SART3: variants seen among roughly 807,000 people sequenced by gnomAD.
SART3 encodes HIV-1 Tat-interacting protein of 110kDa.
A neutral mutation model predicts 122.3 loss-of-function variants in SART3; 44 were observed. The ratio of observed to expected loss-of-function variants is 0.36; its 90% CI spans 0.28 to 0.46. The LOEUF is 0.46. SART3 is among the 20% of genes least tolerant of loss of function. The probability of loss-of-function intolerance (pLI) is 1.00; values close to 1 mark genes in which losing one functional copy is unlikely to be tolerated. For synonymous variants in SART3, 442 were observed against 454.0 expected, an observed-to-expected ratio of 0.97 and a Z score of 0.34; for missense variants, 1,101 against 1,229.0, an observed-to-expected ratio of 0.90 and a Z score of 1.56.
At chr12:108,533,040 G>C (rs1222377801) in intron 12 of SART3, among the ~76,000 whole-genome samples, 1 of 152,116 alleles carries the variant, frequency 6.6e-6, no homozygotes, top group Non-Finnish European at 1.5e-5. Context: ...TAACTGTTAT[G>C]CAACAGTGTA....
In SART3 at chr12:108,530,436, G is replaced by A. The variant is rs149665939; in HGVS notation, c.1747-126C>T. Reference sequence around the variant, plus strand: ...GAAAAGCAGAGATCAGGAGAAAAACGTGGACAGGCTCACGGCTGTTCCACA... The same window carrying A: ...GAAAAGCAGAGATCAGGAGAAAAACATGGACAGGCTCACGGCTGTTCCACA... On this transcript the variant is annotated intron_variant, in intron 14 of 18. Coordinates refer to ENST00000546815, the MANE Select transcript of SART3 (RefSeq NM_014706.4). The A allele has an allele frequency of 1.4e-4, 147 of 1,063,274 alleles. No individual in the cohort carries two copies. The Middle Eastern group carries it at 3.2e-3, about 23-fold the overall frequency. 65.9% of individuals were successfully genotyped at this position (1,063,274 alleles called of 1,614,324 possible).
chr12:108,560,521 G>GCCGT, intron 1 of SART3: 1 of 408,286 alleles, frequency 2.4e-6, no homozygotes, highest in South Asian at 9.6e-5. Context: ...TCTGGAATGG[G>GCCGT]ATCAAAGTAC....
intron 1 of SART3, among the ~76,000 whole-genome samples, chr12:108,554,674 TTATA>T (rs2030144086): frequency 6.8e-6 from 1 of 147,766 alleles, no homozygotes; most frequent in Non-Finnish European, 1.5e-5. Flanking sequence ...TATTATATAT[TTATA>T]TATTTATATT....
Position 108,536,562 on chromosome 12 carries a change from C to G in SART3, c.1398G>C (p.Glu466Asp). ...LKQEVEERFN[E>D]SGDPSCVIMQ... is the part of the protein sequence containing the mutation. ...TAATCACGCAGCTTGGATCACCACT[C>G]TCATTGAAACCTTCAAAAACAGAAT... The change falls in exon 11 of 19, where the codon GAG becomes GAC. Residue 466 changes from glutamate to aspartate, a missense_variant. Physicochemically the swap from Glu to Asp is conservative, Grantham distance 45 (BLOSUM62 2). Transcript: ENST00000546815. The G allele has an allele frequency of 3.1e-6, 5 of 1,614,186 alleles. No homozygotes were observed. Among genetic ancestry groups the G allele is most frequent in the Non-Finnish European group, 3.4e-6 (4 of 1,180,024 alleles).
At chr12:108,523,754 AGG>A in intron 18 of SART3, 120 bp from the exon 19 acceptor site, 1 of 932,160 alleles carries the variant, frequency 1.1e-6, no homozygotes, top group Non-Finnish European at 1.7e-6. Flanking sequence ...AAAAAAAAAA[AGG>A]ATAAGATAAT....
At chr12:108,544,401 G>A in intron 5 of SART3, 26 bp downstream of exon 5, 1 of 1,586,280 alleles carries the variant, frequency 6.3e-7, no homozygotes, top group Non-Finnish European at 8.7e-7. Flanking sequence ...TAGAGGGCTG[G>A]CTGTTGACAT....
Position 108,529,055 on chromosome 12 carries a change from G to A in SART3, c.1915+1087C>T, listed in dbSNP as rs531649930. ...CAAGAATCACTTGAACCCGGGAAGC[G>A]GAGGTTGAAGTGAGCCAAGATCACC... On this transcript the variant is annotated intron_variant, in intron 15 of 18. Transcript: ENST00000546815. 4.6e-5 allele frequency among the ~76,000 whole-genome samples: 7 copies of A among 152,234 alleles called. No individual in the cohort carries two copies. In the South Asian group the frequency reaches 8.3e-4, roughly 18 times the overall value.
intron 13 of SART3, 38 bp downstream of exon 13, chr12:108,532,184 G>A: frequency 1.3e-6 from 2 of 1,572,010 alleles, no homozygotes; most frequent in Non-Finnish European, 1.7e-6. Flanking sequence ...ACAGCAAATG[G>A]GTTAGGCTCC....
chr12:108,545,423 A>G, intron 3 of SART3, 100 bp from the exon 4 acceptor site: 9 of 1,078,900 alleles, frequency 8.3e-6, no homozygotes, highest in Non-Finnish European at 1.3e-5. Flanking sequence ...AAGTACTCAG[A>G]CAGCAGCACT....
Position 108,523,214 on chromosome 12 carries a change from G to T in SART3, c.*243C>A. 1 of 588,748 alleles carries T rather than the reference G, an allele frequency of 1.7e-6. No individual in the cohort carries two copies. The highest frequency in any genetic ancestry group is 3.0e-6 in the Non-Finnish European group (1 of 329,496). 36.5% of individuals were successfully genotyped at this position (588,748 alleles called of 1,614,324 possible). On this transcript the variant is annotated 3_prime_UTR_variant, in exon 19 of 19. Coordinates refer to ENST00000546815, the MANE Select transcript of SART3 (RefSeq NM_014706.4). Reference sequence around the variant, plus strand: ...GTCTTTAAGATACAAAACTATCTCAGGACACCACATCCTGGGCCCAGCCTG... The same window carrying T: ...GTCTTTAAGATACAAAACTATCTCATGACACCACATCCTGGGCCCAGCCTG...
rs114034834 is a variant in SART3 at position 108,523,246 on chromosome 12, G to T, written c.*211C>A. On this transcript the variant is annotated 3_prime_UTR_variant, in exon 19 of 19. Transcript: ENST00000546815. ...ACATCCTGGGCCCAGCCTGCAGAGT[G>T]GTCACTTTTCTGCCACTGCCCTCAA... The T allele has an allele frequency of 1.0e-3, 618 of 615,408 alleles. 4 individuals are homozygous for T. The highest frequency in any genetic ancestry group is 8.5e-3 in the African/African-American group (465 of 54,566). The allele number at this position is 615,408 out of a possible 1,614,324, so 38.1% of individuals were successfully genotyped here.
intron 8 of SART3, 134 bp from the exon 9 acceptor site, chr12:108,537,729 C>T: frequency 1.3e-6 from 1 of 774,796 alleles, no homozygotes; most frequent in Non-Finnish European, 2.2e-6. Context: ...ATGAGCTAGA[C>T]AGGAATGTTG....
intron 13 of SART3, 29 bp downstream of exon 13, chr12:108,532,193 C>G (rs375220485): frequency 2.5e-6 from 4 of 1,598,268 alleles, no homozygotes; most frequent in Non-Finnish European, 3.4e-6. Context: ...GGGTTAGGCT[C>G]CAAGCCAGAA....
In SART3 at chr12:108,549,085, T is replaced by TA; in HGVS notation, c.439+2dup. The TA allele has an allele frequency of 1.2e-6, 2 of 1,614,078 alleles. No homozygotes were observed. The highest frequency in any genetic ancestry group is 1.7e-6 in the Non-Finnish European group (2 of 1,179,924). The stretch of plus-strand genomic sequence containing the variant: ...TAAAAGCAGCCTGACTGCTGAAGCT[T>TA]ACCTTCAGTCAAGGGAAAGATTTCA... On this transcript the variant is annotated splice_region_variant and intron_variant, in intron 2 of 18. Coordinates refer to ENST00000546815, the MANE Select transcript of SART3 (RefSeq NM_014706.4).
At chr12:108,537,439 G>T in intron 9 of SART3, 49 bp downstream of exon 9, 1 of 1,432,282 alleles carries the variant, frequency 7.0e-7, no homozygotes, top group South Asian at 1.1e-5. Flanking sequence ...GCCAAAAGTT[G>T]TATTAAGAAC....
chr12:108,535,582 C>T (rs1291879208), intron 11 of SART3, 114 bp from the exon 12 acceptor site: 2 of 884,758 alleles, frequency 2.3e-6, no homozygotes, highest in Non-Finnish European at 1.9e-6. Flanking sequence ...ATTAGTGTTA[C>T]AGATGTCCCT....
chr12:108,548,006 T>C lies in SART3; in HGVS notation c.440-15A>G, dbSNP rs757006458. ...CAGCCAGAGCTCTACGAGACAAAAA[T>C]ACTTCCCGCATTAATACCAAAGGGT... On this transcript the variant is annotated splice_polypyrimidine_tract_variant and intron_variant, in intron 2 of 18. Coordinates refer to ENST00000546815, the MANE Select transcript of SART3 (RefSeq NM_014706.4). 3 of 1,606,258 alleles carry C rather than the reference T, an allele frequency of 1.9e-6. No individual in the cohort carries two copies. Among genetic ancestry groups the C allele is most frequent in the African/African-American group, 1.3e-5 (1 of 74,822 alleles).
intron 16 of SART3, 122 bp from the exon 17 acceptor site, chr12:108,525,731 T>G: frequency 9.6e-7 from 1 of 1,045,132 alleles, no homozygotes; most frequent in East Asian, 2.4e-5. Flanking sequence ...AGCCAAGCCA[T>G]GCTCTGAAAC....
Position 108,537,808 on chromosome 12 carries a change from C to A in SART3, c.1202-213G>T. ...AAAACTTCTTCCACAAGACGCCCTG[C>A]AAGAAAAGTTCCAGATCAAGGAAGT... On this transcript the variant is annotated intron_variant, in intron 8 of 18. Transcript: ENST00000546815. 4 of 659,978 alleles carry A rather than the reference C, an allele frequency of 6.1e-6. No individual in the cohort carries two copies. The East Asian group carries it at 1.1e-4, about 18-fold the overall frequency. The allele number at this position is 659,978 out of a possible 1,614,324, so 40.9% of individuals were successfully genotyped here. A position where few individuals can be genotyped will look rare whatever the true frequency, so the allele number is the denominator to read the frequency against.
Sources: allele counts gnomAD v4.1 joint callset (sites outside exome capture counted in the v4.1 genomes callset), GRCh38; gene constraint gnomAD v4.1.1; transcripts MANE v1.5; gene names NCBI Gene and HGNC (gene_info 2026-07-23, HGNC 2026-07-21).